Variants in DAAM2 observed in about 807,000 individuals in gnomAD.
DAAM2 encodes the protein dishevelled associated activator of morphogenesis 2, also known as disheveled-associated activator of morphogenesis 2.
In DAAM2, 39 loss-of-function variants were observed where a neutral mutation model predicts 120.7. The ratio of observed to expected loss-of-function variants is 0.32; its 90% confidence interval spans 0.25 to 0.42. The LOEUF (loss-of-function observed/expected upper bound fraction) is 0.42. Ranked by LOEUF, DAAM2 falls within the 10% of genes least tolerant of loss-of-function variation. DAAM2 has a pLI of 1.00. For missense variants in DAAM2, 1,283 were observed against 1,401.7 expected (o/e 0.92, Z 1.35); for synonymous variants, 488 against 524.9 (o/e 0.93, Z 0.96).
intron 1 of DAAM2, among the ~76,000 whole-genome samples, chr6:39,846,360 C>T (rs1481837137): frequency 2.6e-5 from 4 of 152,190 alleles, no homozygotes; most frequent in Non-Finnish European, 5.9e-5. Context: ...GCCTCATATA[C>T]TGTCTGACAC....
intron 1 of DAAM2, among the ~76,000 whole-genome samples, chr6:39,836,350 C>CA: frequency 6.6e-6 from 1 of 152,264 alleles, no homozygotes; most frequent in African/African-American, 2.4e-5. Context: ...ATAACAGCAG[C>CA]AAAAATGACA....
At chr6:39,859,531 G>A (rs1764129911) in intron 2 of DAAM2, among the ~76,000 whole-genome samples, 1 of 152,162 alleles carries the variant, frequency 6.6e-6, no homozygotes, top group Admixed American at 6.5e-5. Context: ...TGTGCTGTCT[G>A]AATGGCAGTC....
rs1764494165 is a variant in DAAM2 at position 39,867,829 on chromosome 6, C to G, written c.748C>G (p.Arg250Gly). Residue 250 changes from arginine (R) to glycine (G), a missense_variant, in exon 6 of 25, where the codon CGA becomes GGA. Transcript: ENST00000274867. ...GCACTACCAGGTGTATGCAGCAGAG[C>G]GAACCCGCTTCCAGGTGAGGGGCCA... is the stretch of plus-strand genomic sequence containing the variant. ...MLHYQVYAAE[R>G]TRFQTLLNEL... 1 of 1,591,412 alleles carries G rather than the reference C, an allele frequency of 6.3e-7. No homozygotes were observed. The highest frequency in any genetic ancestry group is 8.5e-7 in the Non-Finnish European group (1 of 1,169,738).
chr6:39,878,233 G>T lies in DAAM2; in HGVS notation c.1332G>T (p.Trp444Cys), dbSNP rs1395972995. ...TCAACGAGAATGAAGTGAAACAGTG[G>T]CGAGACCAGGCAGAGAAGTTCCGGA... Reference protein sequence around the residue: ...MLINENEVKQWRDQAEKFRKE... With the variant: ...MLINENEVKQCRDQAEKFRKE... Residue 444 changes from tryptophan (W) to cysteine (C), a missense_variant, in exon 12 of 25, where the codon TGG becomes TGT. Transcript: ENST00000274867. This position sits in a 1 kb window ranked among gnomAD's most constrained non-coding sequence, Gnocchi z 5.0. 8 of 1,613,902 alleles carry T rather than the reference G, an allele frequency of 5.0e-6. No homozygotes were observed. Among genetic ancestry groups the T allele is most frequent in the Non-Finnish European group, 6.8e-6 (8 of 1,179,908 alleles).
At chr6:39,872,739 A>G (rs1764711248) in intron 9 of DAAM2, among the ~76,000 whole-genome samples, 1 of 152,216 alleles carries the variant, frequency 6.6e-6, no homozygotes, top group Non-Finnish European at 1.5e-5. Flanking sequence ...TCATCACACA[A>G]CTAAAGCGTA....
intron 1 of DAAM2, among the ~76,000 whole-genome samples, chr6:39,846,817 C>T (rs370593337): frequency 2.0e-5 from 3 of 151,936 alleles, no homozygotes; most frequent in African/African-American, 7.3e-5. Flanking sequence ...ATTTTTACAG[C>T]TCTTAGCATG....
chr6:39,819,856 G>C (rs188240013), intron 1 of DAAM2: 1 of 152,224 alleles, frequency 6.6e-6, no homozygotes, highest in Non-Finnish European at 1.5e-5. Flanking sequence ...CATGAATCCC[G>C]TTCAGGGGAG....
At chr6:39,823,572 G>T (rs1163817250) in intron 1 of DAAM2, among the ~76,000 whole-genome samples, 1 of 152,100 alleles carries the variant, frequency 6.6e-6, no homozygotes, top group Non-Finnish European at 1.5e-5. Context: ...GGAAGTGTGG[G>T]GCCTCCCTGG....
chr6:39,879,407 C>T lies in DAAM2; in HGVS notation c.1775C>T (p.Pro592Leu), dbSNP rs1296538795. The part of the protein sequence containing the change: ...PQDPYPSSDV[P>L]LRKKRVPQPS... ...GACCCCTACCCCAGCAGTGACGTCC[C>T]ACTCAGGAAAAAGCGTGTCCCCCAG... Residue 592 changes from proline to leucine, a missense_variant, in exon 14 of 25, where the codon CCA (proline) becomes CTA (leucine). This residue lies in a region of DAAM2 where 748 missense variants were observed against 768.6 expected (regional missense o/e 0.97). Coordinates refer to ENST00000274867, the MANE Select transcript of DAAM2 (RefSeq NM_001201427.2). 1.4e-5 allele frequency: 23 copies of T among 1,613,836 alleles called. No individual in the cohort carries two copies. Among genetic ancestry groups the T allele is most frequent in the Middle Eastern group, 1.6e-4 (1 of 6,084 alleles).
chr6:39,845,714 C>G (rs1353056103), intron 1 of DAAM2, among the ~76,000 whole-genome samples: 1 of 151,980 alleles, frequency 6.6e-6, no homozygotes, highest in Non-Finnish European at 1.5e-5. Flanking sequence ...TGCACAAGGA[C>G]TCAGGGTCCT....
intron 3 of DAAM2, chr6:39,861,374 C>A (rs1251593217): frequency 5.4e-6 from 2 of 368,996 alleles, no homozygotes; most frequent in Non-Finnish European, 1.1e-5. Flanking sequence ...TATAAGAAAT[C>A]AGTTTGGGGG....
intron 1 of DAAM2, among the ~76,000 whole-genome samples, chr6:39,846,743 A>G (rs548090616): frequency 6.7e-6 from 1 of 148,452 alleles, no homozygotes; most frequent in Non-Finnish European, 1.5e-5. Context: ...GTTGCCCCAC[A>G]TCCACACTTT....
At chr6:39,879,133 C>T (rs760246210) in intron 13 of DAAM2, 45 bp from the exon 14 acceptor site, 110 of 1,280,740 alleles carry the variant, frequency 8.6e-5, no homozygotes, top group Admixed American at 5.0e-4. Context: ...TGAATGGCAA[C>T]GGTGCTGATG....
intron 15 of DAAM2, chr6:39,887,256 G>A (rs1045749812): frequency 4.3e-6 from 2 of 469,856 alleles, no homozygotes; most frequent in Non-Finnish European, 7.6e-6. Flanking sequence ...AAATAGGAAG[G>A]GGGGCTTCTC....
intron 1 of DAAM2, among the ~76,000 whole-genome samples, chr6:39,824,475 C>G (rs557854694): frequency 1.3e-5 from 2 of 152,210 alleles, no homozygotes; most frequent in Non-Finnish European, 2.9e-5. Context: ...CCCTGTGGGG[C>G]GTTAGAGATC....
chr6:39,859,856 GA>G (rs35480296), intron 2 of DAAM2, among the ~76,000 whole-genome samples: 4 of 151,978 alleles, frequency 2.6e-5, no homozygotes, highest in African/African-American at 9.7e-5. Context: ...ATTCTCCCTT[GA>G]ATAAAAGTAT....
chr6:39,900,270 C>T, intron 23 of DAAM2, 62 bp downstream of exon 23: 3 of 1,569,332 alleles, frequency 1.9e-6, no homozygotes, highest in Non-Finnish European at 2.6e-6. Context: ...GCTCCTTCAC[C>T]CATTCCTACC....
chr6:39,821,211 C>G (rs1457335721), intron 1 of DAAM2: 1 of 152,300 alleles, frequency 6.6e-6, no homozygotes, highest in Non-Finnish European at 1.5e-5. Flanking sequence ...GGCCCTGCCT[C>G]CCTTGCTAGA....
rs1766630676 is a variant in DAAM2, at chr6:39,903,892, G to C, written c.*1855G>C. 1 of 307,850 alleles carries C rather than the reference G, an allele frequency of 3.2e-6. No individual in the cohort carries two copies. The highest frequency in any genetic ancestry group is 6.3e-6 in the Non-Finnish European group (1 of 159,608). 19.1% of individuals were successfully genotyped at this position (307,850 alleles called of 1,614,324 possible). ...TGTGAAGAGGCCATCCTGGAACCCA[G>C]GTGAGGGCAAGATGAAGGCTTCCAG... On this transcript the variant is annotated 3_prime_UTR_variant, in exon 25 of 25. Coordinates refer to ENST00000274867, the MANE Select transcript of DAAM2 (RefSeq NM_001201427.2).
Sources: gnomAD v4.1 joint callset for allele counts (sites outside exome capture counted in the v4.1 genomes callset) on GRCh38, gnomAD v4.1.1 for gene constraint, gnomAD v4.1.1 regional missense constraint, Gnocchi (gnomAD v3.1) non-coding constraint, MANE v1.5 for transcripts, NCBI Gene and HGNC (gene_info 2026-07-23, HGNC 2026-07-21) for gene names.